The following FAM227B variants were observed in gnomAD, a reference collection of about 807,000 sequenced individuals.
FAM227B encodes the protein family with sequence similarity 227 member B.
Under a neutral mutation model 73.8 loss-of-function variants are expected in FAM227B, and 88 were observed. The observed-to-expected ratio is 1.19, with a 90% CI of 1.00 to 1.42. The LOEUF is 1.42. Among genes scored for constraint, FAM227B ranks in the 40% most tolerant of loss-of-function variants. The probability of loss-of-function intolerance (pLI) is 0.00; values close to 1 mark genes in which losing one functional copy is unlikely to be tolerated. For synonymous variants in FAM227B, 210 were observed against 190.5 expected (o/e 1.10, Z -0.84); for missense variants, 632 against 590.9 (o/e 1.07, Z -0.72).
At chr15:49,535,493 A>G (rs959780008) in intron 10 of FAM227B, among the ~76,000 whole-genome samples, 2 of 151,820 alleles carry the variant, frequency 1.3e-5, no homozygotes, top group Non-Finnish European at 3.0e-5. Context: ...CACCAAACAT[A>G]TAAAGAAGAA....
chr15:49,486,904 C>T (rs2056444726), intron 11 of FAM227B: 2 of 151,890 alleles, frequency 1.3e-5, no homozygotes, highest in African/African-American at 4.8e-5. Context: ...ATCCCTCTTA[C>T]TCATTTGTAG....
intron 11 of FAM227B, among the ~76,000 whole-genome samples, chr15:49,375,732 T>C (rs1367213987): frequency 1.3e-5 from 2 of 152,100 alleles, no homozygotes; most frequent in Non-Finnish European, 1.5e-5. Context: ...AGGCAAAACT[T>C]AGAGCATACC....
chr15:49,427,603 G>A (rs2050237165), intron 11 of FAM227B, among the ~76,000 whole-genome samples: 1 of 151,876 alleles, frequency 6.6e-6, no homozygotes, highest in African/African-American at 2.4e-5. Context: ...TATTCTTCTG[G>A]TTACCAAAAG....
intron 11 of FAM227B, among the ~76,000 whole-genome samples, chr15:49,399,137 G>A (rs374234599): frequency 2.7e-5 from 4 of 148,080 alleles, no homozygotes; most frequent in Non-Finnish European, 6.0e-5. Flanking sequence ...GAAGAATCAA[G>A]TAGACGCAAT....
intron 11 of FAM227B, among the ~76,000 whole-genome samples, chr15:49,420,069 T>C (rs553897515): frequency 7.2e-5 from 11 of 152,348 alleles, no homozygotes; most frequent in Non-Finnish European, 1.5e-4. Context: ...TGAGTACTCT[T>C]ACCTACTGCT....
At chr15:49,423,551 C>T (rs1421698355) in intron 11 of FAM227B, 2 of 151,580 alleles carry the variant, frequency 1.3e-5, no homozygotes, top group Admixed American at 6.6e-5. Flanking sequence ...GATTTTTGAG[C>T]CATGTAACTA....
chr15:49,539,415 G>C (rs2070739030), intron 10 of FAM227B, among the ~76,000 whole-genome samples: 2 of 152,204 alleles, frequency 1.3e-5, no homozygotes, highest in African/African-American at 4.8e-5. Flanking sequence ...GGTGGCATCA[G>C]TGTCTGATGT....
chr15:49,565,437 T>C (rs2074582445), intron 9 of FAM227B, among the ~76,000 whole-genome samples: 1 of 151,270 alleles, frequency 6.6e-6, no homozygotes, highest in African/African-American at 2.4e-5. Context: ...ACCAGTATCC[T>C]GTTAGCTTTC....
In FAM227B at chr15:49,577,659, T is replaced by A; in HGVS notation, c.411A>T (p.Ser137=). The change falls in exon 6 of 16, where the codon TCA becomes TCT. Residue 137 remains serine (S), a synonymous_variant. Transcript: ENST00000299338. ...KYHKKKKIML[S]DEMETEKNIE... ...TATTCTTCTCTGTCTCCATTTCATCTGAAAGCTGGAAAACATTTTAAATAA... is the reference window on the plus strand; with the variant it reads ...TATTCTTCTCTGTCTCCATTTCATCAGAAAGCTGGAAAACATTTTAAATAA... 6.4e-7 allele frequency: 1 copy of A among 1,558,944 alleles called. No individual in the cohort carries two copies. The highest frequency in any genetic ancestry group is 8.7e-7 in the Non-Finnish European group (1 of 1,144,974).
At chr15:49,420,369 C>A (rs1418021262) in intron 11 of FAM227B, among the ~76,000 whole-genome samples, 1 of 151,242 alleles carries the variant, frequency 6.6e-6, no homozygotes, top group African/African-American at 2.4e-5. Context: ...TGAGAAGCTT[C>A]CTAAATAATG....
At chr15:49,380,711 T>C (rs2046469059) in intron 11 of FAM227B, among the ~76,000 whole-genome samples, 1 of 152,092 alleles carries the variant, frequency 6.6e-6, no homozygotes, top group South Asian at 2.1e-4. Context: ...TTTTTTCTAC[T>C]TTATTTTTTT....
chr15:49,498,220 T>C (rs2057796483), intron 11 of FAM227B, among the ~76,000 whole-genome samples: 1 of 152,228 alleles, frequency 6.6e-6, no homozygotes, highest in South Asian at 2.1e-4. Flanking sequence ...TCAGACTCTG[T>C]GGCCAAAATT....
In FAM227B at chr15:49,526,249, C is replaced by T. The variant is rs140202692; in HGVS notation, c.874+15431G>A. ...AATTAAAAATCAATCCTAAAATGAA[C>T]TCTCAAAGTTACACAAGTACAGGGA... On this transcript the variant is annotated intron_variant, in intron 10 of 15. Transcript: ENST00000299338. Among the ~76,000 whole-genome samples the T allele has an allele frequency of 2.3e-3, 346 of 152,160 alleles. 3 individuals carry two copies. Among genetic ancestry groups the T allele is most frequent in the South Asian group, 8.9e-3 (43 of 4,824 alleles).
At chr15:49,436,460 CATTCTT>C (rs2051114942) in intron 11 of FAM227B, among the ~76,000 whole-genome samples, 1 of 151,516 alleles carries the variant, frequency 6.6e-6, no homozygotes, top group Admixed American at 6.6e-5. Context: ...AAAAATGAGA[CATTCTT>C]AAGTAAATTT....
At chr15:49,534,447 C>T (rs1444743928) in intron 10 of FAM227B, among the ~76,000 whole-genome samples, 1 of 151,676 alleles carries the variant, frequency 6.6e-6, no homozygotes, top group Non-Finnish European at 1.5e-5. Context: ...TATATATGCA[C>T]CCAACATCAG....
At position 49,489,840 on chromosome 15, in the gene FAM227B, T is replaced by A. The variant is rs949429270; in HGVS notation, c.1012+18371A>T. ...ATATATTTTATATATATATATATAT[T>A]TTATATATATATATATATTTTATAT... On this transcript the variant is annotated intron_variant, in intron 11 of 15. Transcript: ENST00000299338. 5.7e-3 allele frequency among the ~76,000 whole-genome samples: 125 copies of A among 21,768 alleles called. 6 individuals are homozygous for A. Among genetic ancestry groups the A allele is most frequent in the Middle Eastern group, 0.038 (2 of 52 alleles). 14.3% of individuals were successfully genotyped at this position (21,768 alleles called of 152,430 possible).
chr15:49,524,287 T>C lies in FAM227B; in HGVS notation c.875-15939A>G, dbSNP rs1200260633. On this transcript the variant is annotated intron_variant, in intron 10 of 15. Coordinates refer to ENST00000299338, the MANE Select transcript of FAM227B (RefSeq NM_152647.3). ...TGCAGCCTAGGGACTTGGTTTCCTG[T>C]GTTCCAGCCACTCCAGTCATAGCTA... 1.3e-5 allele frequency among the ~76,000 whole-genome samples: 2 copies of C among 152,134 alleles called. 1 individual carries two copies. Among genetic ancestry groups the C allele is most frequent in the Admixed American group, 1.3e-4 (2 of 15,268 alleles).
intron 11 of FAM227B, among the ~76,000 whole-genome samples, chr15:49,479,884 G>A (rs1242235453): frequency 6.6e-6 from 1 of 152,146 alleles, no homozygotes; most frequent in East Asian, 1.9e-4. Context: ...AAAGTGCTGG[G>A]ATTACAGGCG....
chr15:49,584,073 C>T (rs2075992574), intron 5 of FAM227B, among the ~76,000 whole-genome samples: 1 of 152,044 alleles, frequency 6.6e-6, no homozygotes, highest in African/African-American at 2.4e-5. Context: ...AAGAGAACTA[C>T]AGGCCAATAC....
Sources: gnomAD v4.1 joint callset for allele counts (sites outside exome capture counted in the v4.1 genomes callset) on GRCh38, gnomAD v4.1.1 for gene constraint, MANE v1.5 for transcripts, NCBI Gene and HGNC (gene_info 2026-07-23, HGNC 2026-07-21) for gene names.